SEMA5A: variants seen among roughly 807,000 people sequenced by gnomAD.
SEMA5A encodes the protein semaphorin-5A.
In SEMA5A, 55 loss-of-function variants were observed where a neutral mutation model predicts 135.5. The observed-to-expected ratio is 0.41, with a 90% CI of 0.33 to 0.51. SEMA5A has a LOEUF of 0.51. SEMA5A is among the 20% of genes least tolerant of loss of function. The pLI is 0.37. For missense variants in SEMA5A, 1,290 were observed against 1,419.9 expected (o/e 0.91, Z 1.47); for synonymous variants, 580 against 546.5 (o/e 1.06, Z -0.85).
Position 9,136,514 on chromosome 5 carries a change from G to A in SEMA5A, c.1589C>T (p.Ser530Phe). The A allele has an allele frequency of 1.2e-6, 2 of 1,613,878 alleles. No individual in the cohort carries two copies. The highest frequency in any genetic ancestry group is 1.7e-6 in the Non-Finnish European group (2 of 1,179,754). ...AAGGTGGGCACTCACCGGACACGCA[G>A]AGATGCTCTGTTCCCACTGCGTCAT... ...LSMTQWEQSI[S>F]ACPTRNLTVD... Residue 530 changes from serine (S) to phenylalanine (F), a missense_variant, in exon 13 of 23, where the codon TCT becomes TTT. By Grantham distance (155) the Ser-to-Phe change is radical. This residue lies in a region of SEMA5A where 1,029 missense variants were observed against 1,086.6 expected (regional missense o/e 0.95). Coordinates refer to ENST00000382496, the MANE Select transcript of SEMA5A (RefSeq NM_003966.3).
chr5:9,353,593 T>C lies in SEMA5A; in HGVS notation c.125-15781A>G, dbSNP rs192943340. On this transcript the variant is annotated intron_variant, in intron 3 of 22. Transcript: ENST00000382496. ...CGTTCACCAGATATCATATATCTGGTTTATCATATATCACATGGCATCAAT... is the reference window on the plus strand; with the variant it reads ...CGTTCACCAGATATCATATATCTGGCTTATCATATATCACATGGCATCAAT... Among the ~76,000 whole-genome samples, 41 of 152,222 alleles carry C rather than the reference T, an allele frequency of 2.7e-4. No individual in the cohort carries two copies. In the East Asian group the frequency reaches 7.9e-3, roughly 29 times the overall value.
intron 12 of SEMA5A, among the ~76,000 whole-genome samples, chr5:9,148,758 C>T (rs1417989896): frequency 6.6e-6 from 1 of 152,086 alleles, no homozygotes; most frequent in Non-Finnish European, 1.5e-5. Context: ...CTCACTCTGT[C>T]GTCCAGGCTG....
intron 5 of SEMA5A, among the ~76,000 whole-genome samples, chr5:9,278,695 T>C (rs1293641430): frequency 2.0e-5 from 3 of 152,198 alleles, no homozygotes; most frequent in South Asian, 2.1e-4. Context: ...GTATCACACA[T>C]GCCCCAGCTC....
intron 3 of SEMA5A, among the ~76,000 whole-genome samples, chr5:9,377,995 T>G (rs2126470227): frequency 6.6e-6 from 1 of 152,298 alleles, no homozygotes; most frequent in South Asian, 2.1e-4. Context: ...CTCAAGAGGC[T>G]ACACTGGGCT....
intron 1 of SEMA5A, among the ~76,000 whole-genome samples, chr5:9,449,409 A>T (rs542872154): frequency 3.7e-4 from 57 of 152,108 alleles, no homozygotes; most frequent in Non-Finnish European, 7.2e-4. Flanking sequence ...ATACCTTGGG[A>T]CCTGTTGGGA....
intron 6 of SEMA5A, 110 bp from the exon 7 acceptor site, chr5:9,227,077 C>T (rs962189742): frequency 2.3e-6 from 1 of 434,796 alleles, no homozygotes; most frequent in African/African-American, 2.1e-5. Context: ...TACATTTTAT[C>T]TAATAAATAT....
chr5:9,275,624 A>T (rs921975893), intron 5 of SEMA5A, among the ~76,000 whole-genome samples: 9 of 152,340 alleles, frequency 5.9e-5, no homozygotes, highest in African/African-American at 2.2e-4. Context: ...CACATCAAAA[A>T]GCTTGTCCAC....
chr5:9,322,989 A>T (rs555459533), intron 4 of SEMA5A, among the ~76,000 whole-genome samples: 1 of 152,274 alleles, frequency 6.6e-6, no homozygotes, highest in East Asian at 1.9e-4. Flanking sequence ...ATCAATTTTC[A>T]CCTCTGGGAC....
intron 5 of SEMA5A, among the ~76,000 whole-genome samples, chr5:9,297,016 T>C (rs1372168131): frequency 6.6e-6 from 1 of 151,720 alleles, no homozygotes; most frequent in African/African-American, 2.4e-5. Context: ...ACCAAAAAGG[T>C]GCAGCTAAAG....
At chr5:9,426,476 T>TAAAATA (rs1265118156) in intron 2 of SEMA5A, among the ~76,000 whole-genome samples, 3 of 149,586 alleles carry the variant, frequency 2.0e-5, no homozygotes, top group African/African-American at 7.6e-5. Flanking sequence ...TAAAATAAAA[T>TAAAATA]AAATGTGTAT....
chr5:9,043,384 T>C (rs1311080456), intron 22 of SEMA5A: 1 of 187,668 alleles, frequency 5.3e-6, no homozygotes, highest in African/African-American at 2.4e-5. Context: ...TTCGTATTCA[T>C]ATAACTGAAT....
chr5:9,517,766 A>C (rs1027007428), intron 1 of SEMA5A: 1 of 152,224 alleles, frequency 6.6e-6, no homozygotes, highest in Non-Finnish European at 1.5e-5. Context: ...ATGTCACAAA[A>C]GCATCTAAGG....
chr5:9,376,936 A>T (rs183733), intron 3 of SEMA5A, among the ~76,000 whole-genome samples: 1 of 151,990 alleles, frequency 6.6e-6, no homozygotes, highest in African/African-American at 2.4e-5. Context: ...CAATTCGAAT[A>T]ATCTCTTTCA....
At chr5:9,502,850 A>G (rs1735668563) in intron 1 of SEMA5A, among the ~76,000 whole-genome samples, 1 of 152,222 alleles carries the variant, frequency 6.6e-6, no homozygotes, top group Admixed American at 6.5e-5. Context: ...AGAAGGAAGA[A>G]GGAAAGGAAA....
In SEMA5A at chr5:9,135,305, C is replaced by T. The variant is rs575946239; in HGVS notation, c.1599+1199G>A. Among the ~76,000 whole-genome samples the T allele has an allele frequency of 4.9e-4, 75 of 151,680 alleles. 1 individual carries two copies. The highest frequency in any genetic ancestry group is 1.8e-3 in the African/African-American group (74 of 41,336). The stretch of plus-strand genomic sequence containing the variant: ...ACGCCATTCTCCTGCCTCAGCCTCC[C>T]AAGTAGCTGGGACTACAGGCGCCCG... On this transcript the variant is annotated intron_variant, in intron 13 of 22. Coordinates refer to ENST00000382496, the MANE Select transcript of SEMA5A (RefSeq NM_003966.3).
intron 20 of SEMA5A, among the ~76,000 whole-genome samples, chr5:9,051,131 T>C (rs1413842137): frequency 6.6e-6 from 1 of 152,262 alleles, no homozygotes; most frequent in Non-Finnish European, 1.5e-5. Flanking sequence ...ACCACTCTTA[T>C]AGTTCTGTGC....
chr5:9,081,618 T>A (rs911546843), intron 16 of SEMA5A, among the ~76,000 whole-genome samples: 1 of 152,100 alleles, frequency 6.6e-6, no homozygotes, highest in Non-Finnish European at 1.5e-5. Context: ...ACATAGGCAA[T>A]TTGAGGTGTT....
chr5:9,230,993 A>G (rs1747599058), intron 6 of SEMA5A, among the ~76,000 whole-genome samples: 2 of 152,222 alleles, frequency 1.3e-5, no homozygotes, highest in African/African-American at 4.8e-5. Flanking sequence ...ACAGATTGTG[A>G]ATTCCAGATG....
At chr5:9,512,536 T>A (rs1736268199) in intron 1 of SEMA5A, among the ~76,000 whole-genome samples, 1 of 152,140 alleles carries the variant, frequency 6.6e-6, no homozygotes, top group Non-Finnish European at 1.5e-5. Context: ...TCTTTTTTTT[T>A]CTTTTTTTAA....
Sources: allele counts gnomAD v4.1 joint callset (sites outside exome capture counted in the v4.1 genomes callset), GRCh38; gene constraint gnomAD v4.1.1; regional missense constraint gnomAD v4.1.1; transcripts MANE v1.5; gene names NCBI Gene and HGNC (gene_info 2026-07-23, HGNC 2026-07-21).